Variants in SLC60A2 observed in about 807,000 individuals in gnomAD.
SLC60A2 encodes solute carrier family 60 member 2, also known as major facilitator superfamily domain containing 4B.
chr6:111,276,565 T>C, the SLC60A2 span, among the ~76,000 whole-genome samples: 1 of 152,230 alleles, frequency 6.6e-6, no homozygotes, highest in Non-Finnish European at 1.5e-5. Context: ...TGTTCAGTCA[T>C]TGCACAAGTG....
At chr6:111,277,239 A>G in the SLC60A2 span, among the ~76,000 whole-genome samples, 1 of 152,250 alleles carries the variant, frequency 6.6e-6, no homozygotes, top group Admixed American at 6.5e-5. Context: ...AGGTCCTGGG[A>G]TGGATGGCCT....
At chr6:111,270,841 TC>T in the SLC60A2 span, 1 of 146,742 alleles carries the variant, frequency 6.8e-6, no homozygotes, top group African/African-American at 2.5e-5. Context: ...CGAGACTGTC[TC>T]AAAAAAAAAA....
chr6:111,266,683 G>A, the SLC60A2 span: 1 of 1,614,144 alleles, frequency 6.2e-7, no homozygotes, highest in South Asian at 1.1e-5. Context: ...GCAGTCATTG[G>A]AATTCTTCAA....
chr6:111,272,069 C>A, the SLC60A2 span, among the ~76,000 whole-genome samples: 1 of 152,180 alleles, frequency 6.6e-6, no homozygotes, highest in Non-Finnish European at 1.5e-5. Flanking sequence ...GTGGCCTGAT[C>A]GCAGCTCACT....
At chr6:111,277,238 G>C in the SLC60A2 span, among the ~76,000 whole-genome samples, 5 of 152,232 alleles carry the variant, frequency 3.3e-5, no homozygotes, top group African/African-American at 1.2e-4. Flanking sequence ...CAGGTCCTGG[G>C]ATGGATGGCC....
At chr6:111,259,881 T>C in the SLC60A2 span, among the ~76,000 whole-genome samples, 1 of 152,062 alleles carries the variant, frequency 6.6e-6, no homozygotes, top group Non-Finnish European at 1.5e-5. Flanking sequence ...GGAAATAGAT[T>C]TTCTGAATAC....
chr6:111,259,367 C>A, the SLC60A2 span: 1 of 344,742 alleles, frequency 2.9e-6, no homozygotes, highest in South Asian at 1.2e-4. Flanking sequence ...GCCACGAACA[C>A]CTGCGGCGTG....
At chr6:111,261,721 G>A in the SLC60A2 span, among the ~76,000 whole-genome samples, 4 of 152,100 alleles carry the variant, frequency 2.6e-5, no homozygotes, top group Non-Finnish European at 4.4e-5. Flanking sequence ...AGCCTCCCGA[G>A]TAGCTGGGAC....
chr6:111,273,647 G>A, the SLC60A2 span, among the ~76,000 whole-genome samples: 1 of 152,116 alleles, frequency 6.6e-6, no homozygotes, highest in Admixed American at 6.6e-5. Context: ...TTGATTTTCT[G>A]TCTAGATGAT....
At chr6:111,268,187 G>C in the SLC60A2 span, 1 of 152,216 alleles carries the variant, frequency 6.6e-6, no homozygotes, top group African/African-American at 2.4e-5. Flanking sequence ...ATGTGCTAAT[G>C]ATAAATGATT....
the SLC60A2 span, chr6:111,265,954 T>C: frequency 6.2e-7 from 1 of 1,614,194 alleles, no homozygotes; most frequent in East Asian, 2.2e-5. Flanking sequence ...TCTTTTGCCT[T>C]GGGTGCCTTT....
the SLC60A2 span, among the ~76,000 whole-genome samples, chr6:111,273,218 A>G: frequency 6.6e-6 from 1 of 152,138 alleles, no homozygotes; most frequent in African/African-American, 2.4e-5. Flanking sequence ...TCGCCTAATC[A>G]TGGCTCACTG....
chr6:111,274,934 T>G, the SLC60A2 span, among the ~76,000 whole-genome samples: 23,334 of 152,150 alleles, frequency 0.15, 1,967 homozygotes, highest in East Asian at 0.34. Context: ...TCATTTTAAT[T>G]TTTTTAGAGA....
chr6:111,259,760 G>A, the SLC60A2 span: 1 of 1,553,104 alleles, frequency 6.4e-7, no homozygotes, highest in Non-Finnish European at 8.7e-7. Context: ...TCCCAGGCCG[G>A]GGCGTTCGAG....
At chr6:111,279,068 A>G in the SLC60A2 span, among the ~76,000 whole-genome samples, 2 of 152,126 alleles carry the variant, frequency 1.3e-5, no homozygotes, top group Admixed American at 1.3e-4. Flanking sequence ...CTGAGTATGG[A>G]TATTTAAAAA....
At chr6:111,279,500 G>A in the SLC60A2 span, among the ~76,000 whole-genome samples, 27 of 150,608 alleles carry the variant, frequency 1.8e-4, no homozygotes, top group Admixed American at 7.9e-4. Flanking sequence ...CGCCCACCTC[G>A]GCCTCCCAAA....
the SLC60A2 span, among the ~76,000 whole-genome samples, chr6:111,262,615 G>A: frequency 6.6e-6 from 1 of 152,142 alleles, no homozygotes; most frequent in East Asian, 1.9e-4. Flanking sequence ...TCTGTGCTGG[G>A]TCCCTCTGGA....
the SLC60A2 span, chr6:111,265,999 C>G: frequency 1.9e-6 from 3 of 1,614,130 alleles, no homozygotes; most frequent in Non-Finnish European, 2.5e-6. Context: ...GCTTTGGGTC[C>G]GACAGCGTCT....
the SLC60A2 span, among the ~76,000 whole-genome samples, chr6:111,271,639 T>C: frequency 9.2e-5 from 14 of 151,730 alleles, no homozygotes; most frequent in African/African-American, 3.4e-4. Flanking sequence ...GATAGCTTTC[T>C]CATGTCCAGA....
Sources: allele counts gnomAD v4.1 joint callset (sites outside exome capture counted in the v4.1 genomes callset), GRCh38; gene constraint gnomAD v4.1.1; transcripts MANE v1.5; gene names NCBI Gene and HGNC (gene_info 2026-07-23, HGNC 2026-07-21).